The following CCDC13 variants were observed in gnomAD, a reference collection of about 807,000 sequenced individuals.
The protein encoded by CCDC13 is coiled-coil domain-containing protein 13.
Under a neutral mutation model 87.3 loss-of-function variants are expected in CCDC13, and 70 were observed. The observed-to-expected ratio is 0.80, with a 90% CI of 0.66 to 0.98. The LOEUF (loss-of-function observed/expected upper bound fraction) is 0.98, where lower values mean the gene tolerates loss of function less well. Among genes scored for constraint, CCDC13 ranks in the 50% least tolerant of loss-of-function variants. The pLI is 0.00. For synonymous variants in CCDC13, 317 were observed against 360.3 expected (o/e 0.88, Z 1.36); for missense variants, 842 against 892.0 (o/e 0.94, Z 0.71).
intron 10 of CCDC13, among the ~76,000 whole-genome samples, chr3:42,735,321 G>C (rs1698972127): frequency 6.6e-6 from 1 of 151,836 alleles, no homozygotes; most frequent in Non-Finnish European, 1.5e-5. Flanking sequence ...GTGGCAGCAA[G>C]AGTTAGTCAC....
At chr3:42,748,687 AT>A (rs1351182055) in intron 5 of CCDC13, among the ~76,000 whole-genome samples, 19 of 152,324 alleles carry the variant, frequency 1.2e-4, no homozygotes, top group African/African-American at 4.6e-4. Context: ...CTCTGGCCTC[AT>A]CCAGTGTCCT....
At chr3:42,730,363 G>C (rs1268470284) in intron 13 of CCDC13, 104 bp downstream of exon 13, 6 of 1,488,332 alleles carry the variant, frequency 4.0e-6, no homozygotes, top group Non-Finnish European at 5.5e-6. Flanking sequence ...CCAACACTGG[G>C]AGCCGAGCTC....
chr3:42,728,712 G>A (rs1190734618), intron 13 of CCDC13, among the ~76,000 whole-genome samples: 1 of 152,064 alleles, frequency 6.6e-6, no homozygotes, highest in Non-Finnish European at 1.5e-5. Flanking sequence ...TACAGCCCAG[G>A]GACTTAGCAA....
chr3:42,748,965 G>T (rs1314057057), intron 5 of CCDC13, among the ~76,000 whole-genome samples: 1 of 152,124 alleles, frequency 6.6e-6, no homozygotes, highest in Non-Finnish European at 1.5e-5. Flanking sequence ...CACCATGTTA[G>T]CCAGGCTGGT....
chr3:42,761,619 C>T (rs1220565803), intron 1 of CCDC13, among the ~76,000 whole-genome samples: 2 of 152,170 alleles, frequency 1.3e-5, no homozygotes, highest in Non-Finnish European at 2.9e-5. Context: ...AAATGAATAA[C>T]ATTTGCTGAG....
chr3:42,751,041 T>G (rs1248491025), intron 5 of CCDC13, among the ~76,000 whole-genome samples: 1 of 152,144 alleles, frequency 6.6e-6, no homozygotes, highest in Non-Finnish European at 1.5e-5. Flanking sequence ...CCTCGGAACC[T>G]GAGGGCCCAT....
intron 1 of CCDC13, among the ~76,000 whole-genome samples, chr3:42,762,903 C>G (rs375886077): frequency 6.6e-6 from 1 of 152,060 alleles, no homozygotes; most frequent in Admixed American, 6.6e-5. Context: ...GAGCTGTGAT[C>G]GCGCCACTGC....
intron 9 of CCDC13, 113 bp from the exon 10 acceptor site, chr3:42,736,026 G>A: frequency 2.1e-6 from 2 of 971,348 alleles, no homozygotes; most frequent in South Asian, 3.0e-5. Flanking sequence ...CCTAACAGTG[G>A]GATCCTGTTC....
intron 5 of CCDC13, among the ~76,000 whole-genome samples, chr3:42,751,238 C>A (rs1353568952): frequency 6.6e-6 from 1 of 152,094 alleles, no homozygotes; most frequent in East Asian, 1.9e-4. Context: ...CCAAGAAAAC[C>A]CTTGGTGAAG....
In CCDC13 at chr3:42,742,998, A is replaced by C; in HGVS notation, c.885T>G (p.Ser295Arg). Residue 295 changes from serine to arginine, a missense_variant, in exon 8 of 16, where the codon AGT becomes AGG. By Grantham distance (110) the Ser-to-Arg change is moderately radical (BLOSUM62 -1). Transcript: ENST00000310232. ...QARSQSAGTA[S>R]DELSVYPDPR... ...GGTCTGGATAGACAGACAACTCATC[A>C]CTGGCTGTTCCCGCAGACTGGCTCC... 1 of 1,613,982 alleles carries C rather than the reference A, an allele frequency of 6.2e-7. No homozygotes were observed. Among genetic ancestry groups the C allele is most frequent in the South Asian group, 1.1e-5 (1 of 91,058 alleles).
intron 7 of CCDC13, among the ~76,000 whole-genome samples, chr3:42,744,419 G>A (rs1256750624): frequency 6.6e-6 from 1 of 152,202 alleles, no homozygotes; most frequent in African/African-American, 2.4e-5. Flanking sequence ...GCAAAGGGCA[G>A]GAGCACAGCT....
chr3:42,725,560 T>C (rs1213229469), intron 13 of CCDC13, among the ~76,000 whole-genome samples: 2 of 124,988 alleles, frequency 1.6e-5, no homozygotes, highest in South Asian at 2.9e-4. Flanking sequence ...AGGACTAAGA[T>C]AATATCCATC....
chr3:42,770,656 C>T (rs746064752), intron 1 of CCDC13: 10 of 152,372 alleles, frequency 6.6e-5, no homozygotes, highest in Non-Finnish European at 1.0e-4. Context: ...TTGCTCTTTG[C>T]ACTAAATCTT....
At chr3:42,764,991 G>C (rs1699903030) in intron 1 of CCDC13, among the ~76,000 whole-genome samples, 2 of 152,178 alleles carry the variant, frequency 1.3e-5, no homozygotes, top group Admixed American at 6.5e-5. Flanking sequence ...TTGTAGAATT[G>C]TCACTGAATG....
chr3:42,764,880 T>C (rs1013429660), intron 1 of CCDC13, among the ~76,000 whole-genome samples: 1 of 152,250 alleles, frequency 6.6e-6, no homozygotes, highest in African/African-American at 2.4e-5. Flanking sequence ...TTATTTACAT[T>C]ACTTCCCTTT....
At chr3:42,732,319 T>C (rs1004928524) in intron 12 of CCDC13, among the ~76,000 whole-genome samples, 1 of 152,136 alleles carries the variant, frequency 6.6e-6, no homozygotes, top group Non-Finnish European at 1.5e-5. Context: ...AGGCTTTGCC[T>C]GGAACCTGAG....
chr3:42,769,130 C>T (rs972408154), intron 1 of CCDC13, among the ~76,000 whole-genome samples: 2 of 151,760 alleles, frequency 1.3e-5, no homozygotes, highest in Non-Finnish European at 2.9e-5. Context: ...AAGAGTGAAA[C>T]GCCGTTTCAA....
chr3:42,760,608 A>G lies in CCDC13; in HGVS notation c.-6-2257T>C, dbSNP rs185946129. On this transcript the variant is annotated intron_variant, in intron 1 of 15. Transcript: ENST00000310232. ...CTCCAGCCTGGGCGAGGTTGCAGTG[A>G]GCCAAGATTGCGCCATGGCACTCCA... 2.4e-3 allele frequency among the ~76,000 whole-genome samples: 368 copies of G among 151,984 alleles called. 2 individuals are homozygous for G. The highest frequency in any genetic ancestry group is 8.6e-3 in the African/African-American group (356 of 41,468).
chr3:42,747,458 GC>G (rs2125900845), intron 5 of CCDC13, 85 bp from the exon 6 acceptor site: 1 of 926,996 alleles, frequency 1.1e-6, no homozygotes, highest in Non-Finnish European at 1.7e-6. Context: ...CCAAGTCTGT[GC>G]CAGGCACTGT....
Sources: allele counts gnomAD v4.1 joint callset (sites outside exome capture counted in the v4.1 genomes callset), GRCh38; gene constraint gnomAD v4.1.1; transcripts MANE v1.5; gene names NCBI Gene and HGNC (gene_info 2026-07-23, HGNC 2026-07-21).